The following TACR3 variants were observed in gnomAD, a reference collection of about 807,000 sequenced individuals.
TACR3 encodes tachykinin receptor 3.
TACR3 carries 34 observed loss-of-function variants against 35.0 expected under a neutral mutation model. That is an observed-to-expected ratio of 0.97 (90% confidence interval 0.74 to 1.30). The LOEUF is 1.30. Among genes scored for constraint, TACR3 ranks in the 50% most tolerant of loss-of-function variants. The pLI is 0.00. For missense variants in TACR3, 558 were observed against 591.7 expected, an observed-to-expected ratio of 0.94 and a Z score of 0.59; for synonymous variants, 233 against 221.1, an observed-to-expected ratio of 1.05 and a Z score of -0.48.
chr4:103,652,954 G>GA (rs1229503403), intron 3 of TACR3, among the ~76,000 whole-genome samples: 1 of 151,630 alleles, frequency 6.6e-6, no homozygotes, highest in Non-Finnish European at 1.5e-5. Flanking sequence ...TAGATAAAAA[G>GA]AAAAAAATTA....
chr4:103,631,977 G>A (rs764579977), intron 3 of TACR3, among the ~76,000 whole-genome samples: 5 of 151,962 alleles, frequency 3.3e-5, no homozygotes, highest in East Asian at 1.9e-4. Context: ...ATAGCTGTGC[G>A]AGCTTATTGT....
At position 103,719,769 on chromosome 4, in the gene TACR3, T is replaced by C; in HGVS notation, c.-94A>G. 6.6e-7 allele frequency: 1 copy of C among 1,511,360 alleles called. No individual in the cohort carries two copies. The highest frequency in any genetic ancestry group is 1.2e-5 in the South Asian group (1 of 86,430). The allele number at this position is 1,511,360 out of a possible 1,614,324, so 93.6% of individuals were successfully genotyped here. ...GTTCTTCTCTGCCTCCTGGTCACTT[T>C]GGTGCCGGAGTCTTCAGATAAGACT... On this transcript the variant is annotated 5_prime_UTR_variant, in exon 1 of 5. Transcript: ENST00000304883.
intron 1 of TACR3, among the ~76,000 whole-genome samples, chr4:103,712,090 A>G (rs1209805002): frequency 9.9e-5 from 15 of 152,198 alleles, no homozygotes; most frequent in Non-Finnish European, 1.6e-4. Flanking sequence ...TATAGATTCA[A>G]TGCCATCCCC....
Position 103,669,197 on chromosome 4 carries a change from A to T in TACR3, c.549-10794T>A, listed in dbSNP as rs116040312. Among the ~76,000 whole-genome samples the T allele has an allele frequency of 4.7e-3, 723 of 152,256 alleles. 7 individuals are homozygous for T. Among genetic ancestry groups the T allele is most frequent in the African/African-American group, 0.016 (680 of 41,564 alleles). ...CTATTATGTATCTATTATTAAAAATAATGGCAAAAACAGCAATTACTTTTG... is the reference window on the plus strand; with the variant it reads ...CTATTATGTATCTATTATTAAAAATTATGGCAAAAACAGCAATTACTTTTG... On this transcript the variant is annotated intron_variant, in intron 1 of 4. Coordinates refer to ENST00000304883, the MANE Select transcript of TACR3 (RefSeq NM_001059.3).
In TACR3 at chr4:103,591,472, T is replaced by C. The variant is rs373841957; in HGVS notation, c.1085+15A>G. 5 of 1,613,350 alleles carry C rather than the reference T, an allele frequency of 3.1e-6. No homozygotes were observed. In the African/African-American group the frequency reaches 5.3e-5, roughly 17 times the overall value. Reference sequence around the variant, plus strand: ...GGTGTGACAAGCAACTTGCATTTCGTAGTTTTGTTTTTACCTTTTATTCAG... The same window carrying C: ...GGTGTGACAAGCAACTTGCATTTCGCAGTTTTGTTTTTACCTTTTATTCAG... On this transcript the variant is annotated intron_variant, in intron 4 of 4. Coordinates refer to ENST00000304883, the MANE Select transcript of TACR3 (RefSeq NM_001059.3).
chr4:103,630,278 G>T (rs1413871362), intron 3 of TACR3, among the ~76,000 whole-genome samples: 1 of 152,186 alleles, frequency 6.6e-6, no homozygotes, highest in Non-Finnish European at 1.5e-5. Context: ...ATAGGCATGG[G>T]CAAGGACTTC....
chr4:103,692,790 T>C (rs888507728), intron 1 of TACR3, among the ~76,000 whole-genome samples: 6 of 152,142 alleles, frequency 3.9e-5, no homozygotes, highest in African/African-American at 1.4e-4. Flanking sequence ...TGAATACATA[T>C]AGTAAACCTC....
At chr4:103,693,609 T>C (rs2110218339) in intron 1 of TACR3, among the ~76,000 whole-genome samples, 1 of 152,282 alleles carries the variant, frequency 6.6e-6, no homozygotes, top group South Asian at 2.1e-4. Context: ...CTTTTGCATA[T>C]TTGTATTGAT....
chr4:103,710,360 A>G (rs951209206), intron 1 of TACR3, among the ~76,000 whole-genome samples: 4 of 152,170 alleles, frequency 2.6e-5, no homozygotes, highest in Admixed American at 2.6e-4. Flanking sequence ...AACTCACTCA[A>G]AACTGCTCAA....
At chr4:103,627,247 G>A (rs1724915037) in intron 3 of TACR3, among the ~76,000 whole-genome samples, 1 of 144,450 alleles carries the variant, frequency 6.9e-6, no homozygotes, top group African/African-American at 2.6e-5. Flanking sequence ...CTTCCTTGGT[G>A]GTTCATACCT....
At chr4:103,615,259 T>C (rs981860357) in intron 3 of TACR3, among the ~76,000 whole-genome samples, 5 of 152,096 alleles carry the variant, frequency 3.3e-5, no homozygotes, top group African/African-American at 1.2e-4. Context: ...ATGGGTAACA[T>C]GAAGACCGAG....
intron 3 of TACR3, among the ~76,000 whole-genome samples, chr4:103,620,708 A>C (rs1455111833): frequency 6.6e-6 from 1 of 152,124 alleles, no homozygotes; most frequent in Non-Finnish European, 1.5e-5. Context: ...GCACACATGG[A>C]CATAAATATG....
intron 3 of TACR3, among the ~76,000 whole-genome samples, chr4:103,629,872 CA>C (rs1157154870): frequency 4.8e-5 from 5 of 104,152 alleles, no homozygotes; most frequent in East Asian, 4.8e-4. Flanking sequence ...AAAAAAAAAA[CA>C]AAAAAAACAA....
chr4:103,694,597 C>T (rs1483550015), intron 1 of TACR3, among the ~76,000 whole-genome samples: 1 of 152,146 alleles, frequency 6.6e-6, no homozygotes, highest in Non-Finnish European at 1.5e-5. Flanking sequence ...ATTAAAGTCA[C>T]TTTCCTTCTG....
chr4:103,595,815 A>T (rs1302328674), intron 3 of TACR3, among the ~76,000 whole-genome samples: 3 of 151,232 alleles, frequency 2.0e-5, no homozygotes, highest in Admixed American at 2.0e-4. Flanking sequence ...TTAGTTACAT[A>T]TGTATACATG....
intron 3 of TACR3, among the ~76,000 whole-genome samples, chr4:103,608,387 T>C (rs1245815483): frequency 6.6e-6 from 1 of 151,902 alleles, no homozygotes; most frequent in Non-Finnish European, 1.5e-5. Flanking sequence ...GTAGGAACAA[T>C]AGATACTGTA....
intron 3 of TACR3, among the ~76,000 whole-genome samples, chr4:103,643,937 T>G (rs1725407551): frequency 1.3e-5 from 2 of 151,802 alleles, no homozygotes; most frequent in South Asian, 4.1e-4. Flanking sequence ...TGCCAAACAC[T>G]GAAAGGCTTT....
At chr4:103,695,793 T>G (rs1053744502) in intron 1 of TACR3, among the ~76,000 whole-genome samples, 2 of 151,952 alleles carry the variant, frequency 1.3e-5, no homozygotes, top group Non-Finnish European at 2.9e-5. Context: ...AGATAAATAT[T>G]GTTTATTATG....
At chr4:103,699,274 T>C (rs1010022572) in intron 1 of TACR3, among the ~76,000 whole-genome samples, 2 of 152,168 alleles carry the variant, frequency 1.3e-5, no homozygotes, top group Non-Finnish European at 2.9e-5. Flanking sequence ...AGGAAGAATA[T>C]TTTCTACAGA....
Sources: gnomAD v4.1 joint callset for allele counts (sites outside exome capture counted in the v4.1 genomes callset) on GRCh38, gnomAD v4.1.1 for gene constraint, MANE v1.5 for transcripts, NCBI Gene and HGNC (gene_info 2026-07-23, HGNC 2026-07-21) for gene names.